Variants in NHP2 observed in about 807,000 individuals in gnomAD.
The protein encoded by NHP2 is H/ACA ribonucleoprotein complex subunit 2.
A neutral mutation model predicts 16.7 loss-of-function variants in NHP2; 10 were observed. The observed-to-expected ratio is 0.60, with a 90% confidence interval of 0.37 to 1.01. NHP2 has a LOEUF of 1.01. NHP2 is among the 50% of genes least tolerant of loss of function. The probability of loss-of-function intolerance (pLI) is 0.01; values close to 1 mark genes in which losing one functional copy is unlikely to be tolerated. For synonymous variants in NHP2, 87 were observed against 78.9 expected (o/e 1.10, Z -0.54); for missense variants, 184 against 198.3 (o/e 0.93, Z 0.43).
chr5:178,149,980 T>C (rs1488439056), intron 3 of NHP2, 142 bp from the exon 4 acceptor site: 1 of 881,232 alleles, frequency 1.1e-6, no homozygotes, highest in African/African-American at 1.7e-5. Context: ...GCATCTTGAA[T>C]TGGTTGCCAT....
chr5:178,151,736 C>T lies in NHP2; in HGVS notation c.231-743G>A, dbSNP rs73351204. Among the ~76,000 whole-genome samples the T allele has an allele frequency of 7.4e-3, 1,131 of 152,196 alleles. 18 individuals carry two copies. Among genetic ancestry groups the T allele is most frequent in the African/African-American group, 0.026 (1,066 of 41,502 alleles). ...TCTCAGGACCTTCTTCCTGGCTGAC[C>T]GGAGCCACTGCCATGGGGTCAGGTG... On this transcript the variant is annotated intron_variant, in intron 2 of 3. Coordinates refer to ENST00000274606, the MANE Select transcript of NHP2 (RefSeq NM_017838.4).
Position 178,149,799 on chromosome 5 carries a change from C to T in NHP2, c.376G>A (p.Val126Met), listed in dbSNP as rs121908090. ...TCCTCATGGGGCTTGACCATTATCA[C>T]ACAGGTGGGGCGCTTGGAGCCTGCG... ...AAAGSKRPTC[V>M]IMVKPHEEYQ... The change falls in exon 4 of 4, where the codon GTG becomes ATG. Residue 126 changes from valine (V) to methionine (M), a missense_variant. Coordinates refer to ENST00000274606, the MANE Select transcript of NHP2 (RefSeq NM_017838.4). 6.2e-7 allele frequency: 1 copy of T among 1,613,996 alleles called. No homozygotes were observed. The highest frequency in any genetic ancestry group is 8.5e-7 in the Non-Finnish European group (1 of 1,179,920).
chr5:178,150,884 TTACCGTCTTAGAGGGGA>T lies in NHP2; in HGVS notation c.323_336+3del, dbSNP rs1487167497. 6.2e-7 allele frequency: 1 copy of T among 1,603,596 alleles called. No individual in the cohort carries two copies. Among genetic ancestry groups the T allele is most frequent in the Admixed American group, 1.7e-5 (1 of 60,014 alleles). On this transcript the variant is annotated splice_donor_variant and splice_donor_region_variant and coding_sequence_variant and intron_variant, in exon 3 of 4. Coordinates refer to ENST00000274606, the MANE Select transcript of NHP2 (RefSeq NM_017838.4). LOFTEE classifies it high-confidence loss of function. ...GCAAGGTCAGGGGGCCACGTGCTCC[TTACCGTCTTAGAGGGGA>T]TATAGACATAGGGCAAATTTCGGTC...
intron 2 of NHP2, among the ~76,000 whole-genome samples, chr5:178,152,922 T>G (rs561667302): frequency 5.3e-5 from 8 of 152,296 alleles, no homozygotes; most frequent in South Asian, 2.1e-4. Flanking sequence ...CTCCTCTGTC[T>G]CTGCAAAACA....
At chr5:178,150,661 G>A in intron 3 of NHP2, 1 of 682,734 alleles carries the variant, frequency 1.5e-6, no homozygotes, top group Non-Finnish European at 2.7e-6. Flanking sequence ...AGGATTACAG[G>A]TGTGAGCCAC....
rs1756326132 is a variant in NHP2 at position 178,153,519 on chromosome 5, G to T, written c.202C>A (p.Gln68Lys). ...KQIRRGVKEV[Q>K]KFVNKGEKGI... is the part of the protein sequence containing the mutation. The stretch of plus-strand genomic sequence containing the variant: ...TTTTCTCCTTTGTTGACAAATTTCT[G>T]AACCTCTTTCACCCCGCGCCGAATC... The change falls in exon 2 of 4, where the codon CAG becomes AAG. Residue 68 changes from glutamine to lysine, a missense_variant. By Grantham distance (53) the Gln-to-Lys change is moderately conservative. Transcript: ENST00000274606. 6.2e-7 allele frequency: 1 copy of T among 1,614,176 alleles called. No homozygotes were observed. Among genetic ancestry groups the T allele is most frequent in the Non-Finnish European group, 8.5e-7 (1 of 1,180,034 alleles).
Position 178,153,773 on chromosome 5 carries a change from C to T in NHP2, c.45G>A (p.Ala15=), listed in dbSNP as rs1756335934. The stretch of plus-strand genomic sequence containing the variant: ...AGGTGCGCTCCCCGGAACACGCCTC[C>T]GCCTGAGCCTCGGGCCCGTCGGGAT... ...KADPDGPEAQ[A]EACSGERTYQ... The change falls in exon 1 of 4, where the codon GCG becomes GCA. Residue 15 remains alanine, a synonymous_variant. Transcript: ENST00000274606. The T allele has an allele frequency of 1.2e-6, 2 of 1,612,654 alleles. No homozygotes were observed. Among genetic ancestry groups the T allele is most frequent in the African/African-American group, 1.3e-5 (1 of 75,038 alleles).
intron 2 of NHP2, among the ~76,000 whole-genome samples, chr5:178,151,603 A>G (rs1219570386): frequency 6.6e-6 from 1 of 152,136 alleles, no homozygotes; most frequent in African/African-American, 2.4e-5. Flanking sequence ...GGCTGAAAGA[A>G]TGCTTCCGCA....
In NHP2 at chr5:178,150,898, G is replaced by C. The variant is rs771358605; in HGVS notation, c.326C>G (p.Pro109Arg). The change falls in exon 3 of 4, where the codon CCC (proline) becomes CGC (arginine). Residue 109 changes from proline (P) to arginine (R), a missense_variant. Coordinates refer to ENST00000274606, the MANE Select transcript of NHP2 (RefSeq NM_017838.4). ...CCACGTGCTCCTTACCGTCTTAGAG[G>C]GGATATAGACATAGGGCAAATTTCG... ...EDRNLPYVYI[P>R]SKTDLGAAAG... The C allele has an allele frequency of 5.0e-6, 8 of 1,611,118 alleles. No individual in the cohort carries two copies. Among genetic ancestry groups the C allele is most frequent in the Non-Finnish European group, 5.9e-6 (7 of 1,177,282 alleles).
At position 178,153,761 on chromosome 5, in the gene NHP2, G is replaced by A. The variant is rs1422403006; in HGVS notation, c.57C>T (p.Ser19=). 1.2e-6 allele frequency: 2 copies of A among 1,613,132 alleles called. No homozygotes were observed. The highest frequency in any genetic ancestry group is 8.5e-7 in the Non-Finnish European group (1 of 1,179,532). ...GCAGCTCCTGGTAGGTGCGCTCCCC[G>A]GAACACGCCTCCGCCTGAGCCTCGG... is the stretch of plus-strand genomic sequence containing the variant. ...DGPEAQAEAC[S]GERTYQELLV... is the part of the protein sequence containing the mutation. The change falls in exon 1 of 4, where the codon TCC becomes TCT. Residue 19 remains serine (S), a synonymous_variant. Transcript: ENST00000274606.
chr5:178,150,953 A>G lies in NHP2; in HGVS notation c.271T>C (p.Tyr91His). 6.2e-7 allele frequency: 1 copy of G among 1,614,108 alleles called. No individual in the cohort carries two copies. Among genetic ancestry groups the G allele is most frequent in the Non-Finnish European group, 8.5e-7 (1 of 1,180,018 alleles). The change falls in exon 3 of 4, where the codon TAC (tyrosine) becomes CAC (histidine). Residue 91 changes from tyrosine (Y) to histidine (H), a missense_variant. By Grantham distance (83) the Tyr-to-His change is moderately conservative. Coordinates refer to ENST00000274606, the MANE Select transcript of NHP2 (RefSeq NM_017838.4). ...LAGDTLPIEV[Y>H]CHLPVMCEDR... is the part of the protein sequence containing the mutation. ...TCACACATGACTGGGAGATGGCAGT[A>G]TACCTCAATGGGCAGTGTGTCTCCT...
chr5:178,150,993 C>G lies in NHP2; in HGVS notation c.231G>C (p.Gly77=). ...VQKFVNKGEK[G]IMVLAGDTLP... ...GTGTGTCTCCTGCCAAAACCATGAT[C>G]CTGAAATGAGAGAAAACACTGTCAT... The change falls in exon 3 of 4, where the codon GGG becomes GGC. Residue 77 remains glycine (G), a splice_region_variant and synonymous_variant. Coordinates refer to ENST00000274606, the MANE Select transcript of NHP2 (RefSeq NM_017838.4). 6.2e-7 allele frequency: 1 copy of G among 1,611,644 alleles called. No individual in the cohort carries two copies. The highest frequency in any genetic ancestry group is 8.5e-7 in the Non-Finnish European group (1 of 1,178,342).
rs1296058145 is a variant in NHP2 at position 178,153,784 on chromosome 5, C to T, written c.34G>A (p.Glu12Lys). 3.1e-6 allele frequency: 5 copies of T among 1,611,656 alleles called. No individual in the cohort carries two copies. Among genetic ancestry groups the T allele is most frequent in the Non-Finnish European group, 4.2e-6 (5 of 1,179,074 alleles). ...TKIKADPDGP[E>K]AQAEACSGER... ...CCGGAACACGCCTCCGCCTGAGCCT[C>T]GGGCCCGTCGGGATCTGCCTTTATT... is the stretch of plus-strand genomic sequence containing the variant. The change falls in exon 1 of 4, where the codon GAG (glutamate) becomes AAG (lysine). Residue 12 changes from glutamate (E) to lysine (K), a missense_variant. By Grantham distance (56) the Glu-to-Lys change is moderately conservative. Coordinates refer to ENST00000274606, the MANE Select transcript of NHP2 (RefSeq NM_017838.4).
rs201129701 is a variant in NHP2, at chr5:178,150,932, A to T, written c.292T>A (p.Cys98Ser). Residue 98 changes from cysteine to serine, a missense_variant, in exon 3 of 4, where the codon TGT becomes AGT. Transcript: ENST00000274606. ...ACATAGGGCAAATTTCGGTCCTCACACATGACTGGGAGATGGCAGTATACC... is the reference window on the plus strand; with the variant it reads ...ACATAGGGCAAATTTCGGTCCTCACTCATGACTGGGAGATGGCAGTATACC... ...IEVYCHLPVM[C>S]EDRNLPYVYI... is the part of the protein sequence containing the mutation. The T allele has an allele frequency of 1.2e-6, 2 of 1,614,172 alleles. No homozygotes were observed. Among genetic ancestry groups the T allele is most frequent in the Non-Finnish European group, 1.7e-6 (2 of 1,180,016 alleles).
rs777793268 is a variant in NHP2, at chr5:178,153,650, C to T, written c.160+8G>A. ...CACCCATCCCGGCCACGCCGCCGTC[C>T]GCCTCACCTTTCTTGATGCATTTGT... On this transcript the variant is annotated splice_region_variant and intron_variant, in intron 1 of 3. Transcript: ENST00000274606. 5 of 1,613,862 alleles carry T rather than the reference C, an allele frequency of 3.1e-6. No homozygotes were observed. The South Asian group carries it at 4.4e-5, about 14-fold the overall frequency.
Position 178,153,508 on chromosome 5 carries a change from G to C in NHP2, c.213C>G (p.Val71=), listed in dbSNP as rs575702154. The C allele has an allele frequency of 6.2e-7, 1 of 1,614,170 alleles. No individual in the cohort carries two copies. The highest frequency in any genetic ancestry group is 1.3e-5 in the African/African-American group (1 of 75,052). Residue 71 remains valine (V), a synonymous_variant, in exon 2 of 4, where the codon GTC becomes GTG. Coordinates refer to ENST00000274606, the MANE Select transcript of NHP2 (RefSeq NM_017838.4). ...GTTCTTACCCTTTTTCTCCTTTGTT[G>C]ACAAATTTCTGAACCTCTTTCACCC... The part of the protein sequence containing the change: ...RRGVKEVQKF[V]NKGEKGIMVL...
chr5:178,150,033 C>A (rs1410576497), intron 3 of NHP2, 195 bp from the exon 4 acceptor site: 13 of 540,822 alleles, frequency 2.4e-5, no homozygotes, highest in Non-Finnish European at 3.6e-5. Flanking sequence ...TCCAGCCACA[C>A]AGGGCCTACA....
In NHP2 at chr5:178,149,580, C is replaced by T. The variant is rs750563439; in HGVS notation, c.*133G>A. ...TACCTTCATGAAAGGGCTGTTAGAG[C>T]TGCCTGGGAAGAAGGCGTGCCTTGG... On this transcript the variant is annotated 3_prime_UTR_variant, in exon 4 of 4. Transcript: ENST00000274606. 121 of 1,145,996 alleles carry T rather than the reference C, an allele frequency of 1.1e-4. No homozygotes were observed. Among genetic ancestry groups the T allele is most frequent in the Non-Finnish European group, 1.4e-4 (108 of 790,446 alleles). 71.0% of individuals were successfully genotyped at this position (1,145,996 alleles called of 1,614,324 possible).
Position 178,153,498 on chromosome 5 carries a change from C to G in NHP2, c.223G>C (p.Glu75Gln). 1 of 1,614,164 alleles carries G rather than the reference C, an allele frequency of 6.2e-7. No homozygotes were observed. Among genetic ancestry groups the G allele is most frequent in the Non-Finnish European group, 8.5e-7 (1 of 1,179,994 alleles). The part of the protein sequence containing the change: ...KEVQKFVNKG[E>Q]KGIMVLAGDT... ...AGGAAGGAAGGTTCTTACCCTTTTTCTCCTTTGTTGACAAATTTCTGAACC... is the reference window on the plus strand; with the variant it reads ...AGGAAGGAAGGTTCTTACCCTTTTTGTCCTTTGTTGACAAATTTCTGAACC... Residue 75 changes from glutamate (E) to glutamine (Q), a missense_variant, in exon 2 of 4, where the codon GAA becomes CAA. Transcript: ENST00000274606.
Sources: gnomAD v4.1 joint callset for allele counts (sites outside exome capture counted in the v4.1 genomes callset) on GRCh38, gnomAD v4.1.1 for gene constraint, MANE v1.5 for transcripts, NCBI Gene and HGNC (gene_info 2026-07-23, HGNC 2026-07-21) for gene names.